ERBB4: variants seen among roughly 807,000 people sequenced by gnomAD.
ERBB4 encodes receptor tyrosine-protein kinase erbB-4.
A neutral mutation model predicts 158.0 loss-of-function variants in ERBB4; 42 were observed. That is an observed-to-expected ratio of 0.27 (90% CI 0.21 to 0.34). The LOEUF (loss-of-function observed/expected upper bound fraction) is 0.34, where lower values mean the gene tolerates loss of function less well. Ranked by LOEUF, ERBB4 falls within the 10% of genes least tolerant of loss-of-function variation. The pLI, the probability that ERBB4 is intolerant of heterozygous loss-of-function variation, is 1.00. For synonymous variants in ERBB4, 583 were observed against 558.7 expected (o/e 1.04, Z -0.61); for missense variants, 1,333 against 1,624.1 (o/e 0.82, Z 3.08).
intron 3 of ERBB4, among the ~76,000 whole-genome samples, chr2:211,931,769 T>A (rs1479051296): frequency 6.6e-6 from 1 of 152,018 alleles, no homozygotes; most frequent in Non-Finnish European, 1.5e-5. Context: ...ACCATATCTG[T>A]CAATGAAGAA....
At chr2:211,991,209 A>G (rs995240463) in intron 2 of ERBB4, among the ~76,000 whole-genome samples, 2 of 152,082 alleles carry the variant, frequency 1.3e-5, no homozygotes, top group East Asian at 3.8e-4. Flanking sequence ...AACTGAAGAC[A>G]CAAGAGTGAA....
chr2:211,880,397 T>C (rs988957141), intron 3 of ERBB4, among the ~76,000 whole-genome samples: 1 of 152,154 alleles, frequency 6.6e-6, no homozygotes, highest in Non-Finnish European at 1.5e-5. Flanking sequence ...AATGACAGTG[T>C]CTCCTCTATA....
chr2:211,399,499 T>C (rs113681922), intron 25 of ERBB4, among the ~76,000 whole-genome samples: 33 of 152,330 alleles, frequency 2.2e-4, no homozygotes, highest in African/African-American at 7.7e-4. Context: ...CATCTTCTTC[T>C]GCAGATGGCT....
At chr2:212,170,706 G>T (rs1253953870) in intron 1 of ERBB4, among the ~76,000 whole-genome samples, 5 of 152,114 alleles carry the variant, frequency 3.3e-5, no homozygotes, top group African/African-American at 9.7e-5. Flanking sequence ...CCATTGCTTG[G>T]TCATTGCCCG....
intron 1 of ERBB4, among the ~76,000 whole-genome samples, chr2:212,405,680 T>C (rs983676657): frequency 4.6e-5 from 7 of 152,228 alleles, no homozygotes; most frequent in African/African-American, 1.7e-4. Context: ...TGCACATCTG[T>C]TTCCCTTAGA....
chr2:211,500,447 T>C (rs2065588435), intron 20 of ERBB4, among the ~76,000 whole-genome samples: 2 of 152,088 alleles, frequency 1.3e-5, no homozygotes, highest in Non-Finnish European at 2.9e-5. Flanking sequence ...TCAAGATAAT[T>C]TATTTAAACT....
At chr2:212,450,324 G>A (rs1273931718) in intron 1 of ERBB4, among the ~76,000 whole-genome samples, 1 of 152,140 alleles carries the variant, frequency 6.6e-6, no homozygotes, top group Non-Finnish European at 1.5e-5. Flanking sequence ...TACAATAAAT[G>A]TAGGGTGCCT....
chr2:211,653,850 A>G (rs912389245), intron 16 of ERBB4, among the ~76,000 whole-genome samples: 4 of 151,614 alleles, frequency 2.6e-5, no homozygotes, highest in Admixed American at 2.6e-4. Flanking sequence ...AATTTTTTGT[A>G]TTTTTAGTAG....
At chr2:211,580,350 A>G (rs1462919236) in intron 19 of ERBB4, among the ~76,000 whole-genome samples, 2 of 152,150 alleles carry the variant, frequency 1.3e-5, no homozygotes, top group East Asian at 3.9e-4. Context: ...CGAATAGACA[A>G]TTCTCAAAAG....
chr2:211,697,664 G>A (rs1216271639), intron 12 of ERBB4, among the ~76,000 whole-genome samples: 2 of 152,152 alleles, frequency 1.3e-5, no homozygotes, highest in East Asian at 3.9e-4. Context: ...AATTAATCAT[G>A]TAAATATAAA....
intron 1 of ERBB4, among the ~76,000 whole-genome samples, chr2:212,383,090 A>T (rs1276901728): frequency 6.6e-6 from 1 of 151,326 alleles, no homozygotes; most frequent in East Asian, 1.9e-4. Context: ...TTACCCATTC[A>T]GATACTCGAA....
At chr2:211,766,906 C>G (rs1256342070) in intron 4 of ERBB4, among the ~76,000 whole-genome samples, 1 of 152,160 alleles carries the variant, frequency 6.6e-6, no homozygotes, top group African/African-American at 2.4e-5. Flanking sequence ...CTGGTCATGT[C>G]GGCCTTGTCT....
chr2:212,227,637 G>A (rs1272466418), intron 1 of ERBB4, among the ~76,000 whole-genome samples: 2 of 152,040 alleles, frequency 1.3e-5, no homozygotes, highest in Admixed American at 6.6e-5. Context: ...ACACTGCAGA[G>A]CACCATAAAA....
intron 9 of ERBB4, among the ~76,000 whole-genome samples, chr2:211,706,605 A>C (rs190797336): frequency 0.018 from 2,511 of 141,878 alleles, 33 homozygotes; most frequent in African/African-American, 0.02. Context: ...AAAAAACAAA[A>C]AAAAAAAAAA....
At chr2:211,567,474 C>T (rs1319668160) in intron 19 of ERBB4, among the ~76,000 whole-genome samples, 2 of 152,054 alleles carry the variant, frequency 1.3e-5, no homozygotes, top group African/African-American at 4.8e-5. Context: ...ATATTTCTCT[C>T]TGATTTACTG....
chr2:212,149,169 T>TAA (rs57137213), intron 1 of ERBB4, among the ~76,000 whole-genome samples: 8 of 151,296 alleles, frequency 5.3e-5, no homozygotes, highest in South Asian at 2.1e-4. Context: ...ATATAATAAT[T>TAA]AAAAAAAAAT....
chr2:211,819,489 C>A lies in ERBB4; in HGVS notation c.422-31330G>T, dbSNP rs11892622. On this transcript the variant is annotated intron_variant, in intron 3 of 27. Transcript: ENST00000342788. ...ACTAGAAAGAGCATTCTAGGAAGAT[C>A]CCCAGAATTTGCAGAAAATAGAAAT... is the stretch of plus-strand genomic sequence containing the variant. Among the ~76,000 whole-genome samples the A allele has an allele frequency of 8.9e-3, 1,357 of 151,952 alleles. 15 individuals are homozygous for A. The highest frequency in any genetic ancestry group is 0.031 in the African/African-American group (1,291 of 41,484).
intron 9 of ERBB4, among the ~76,000 whole-genome samples, chr2:211,707,857 A>G (rs1038399420): frequency 1.9e-4 from 29 of 152,106 alleles, no homozygotes; most frequent in African/African-American, 7.0e-4. Flanking sequence ...CAGTAAATAT[A>G]TTTTGTGGAG....
chr2:212,038,861 ATCT>A (rs1416209238), intron 2 of ERBB4, among the ~76,000 whole-genome samples: 4 of 152,128 alleles, frequency 2.6e-5, no homozygotes, highest in Non-Finnish European at 5.9e-5. Context: ...GGATATGAAC[ATCT>A]TCTCTAGGGC....
Sources: allele counts gnomAD v4.1 joint callset (sites outside exome capture counted in the v4.1 genomes callset), GRCh38; gene constraint gnomAD v4.1.1; transcripts MANE v1.5; gene names NCBI Gene and HGNC (gene_info 2026-07-23, HGNC 2026-07-21).